TYW1B: variants seen among roughly 807,000 people sequenced by gnomAD.
TYW1B encodes tRNA-yW synthesizing protein 1 homolog B, also known as S-adenosyl-L-methionine-dependent tRNA 4-demethylwyosine synthase TYW1B.
A neutral mutation model predicts 86.9 loss-of-function variants in TYW1B; 73 were observed. That is an observed-to-expected ratio of 0.84 (90% CI 0.70 to 1.02). The LOEUF is 1.02. TYW1B is among the 50% of genes least tolerant of loss of function. TYW1B has a pLI of 0.00. For synonymous variants in TYW1B, 248 were observed against 292.8 expected (o/e 0.85, Z 1.56); for missense variants, 637 against 827.4 (o/e 0.77, Z 2.82).
At chr7:72,806,141 T>C (rs1283934323) in intron 5 of TYW1B, among the ~76,000 whole-genome samples, 3 of 152,034 alleles carry the variant, frequency 2.0e-5, no homozygotes, top group African/African-American at 7.2e-5. Flanking sequence ...TTAACTTCTC[T>C]GTGGCTCCGT....
At chr7:72,648,745 A>C (rs1352441264) in intron 11 of TYW1B, among the ~76,000 whole-genome samples, 3 of 152,018 alleles carry the variant, frequency 2.0e-5, no homozygotes. Context: ...CTTGACATCC[A>C]CCCGGCAACT....
chr7:72,575,761 C>T (rs782257043), intron 13 of TYW1B, 42 bp from the exon 14 acceptor site: 68 of 1,573,558 alleles, frequency 4.3e-5, no homozygotes, highest in Non-Finnish European at 5.3e-5. Context: ...TAAAAACATC[C>T]CTAGAAAAAA....
chr7:72,651,446 C>T (rs1554442776), intron 11 of TYW1B, among the ~76,000 whole-genome samples: 2 of 150,894 alleles, frequency 1.3e-5, no homozygotes, highest in East Asian at 2.0e-4. Context: ...GGTGAAACCC[C>T]ATCTCTACTA....
chr7:72,594,465 G>A (rs1484692097), intron 13 of TYW1B, among the ~76,000 whole-genome samples: 2 of 151,990 alleles, frequency 1.3e-5, no homozygotes, highest in Non-Finnish European at 2.9e-5. Flanking sequence ...CAAAGAAACA[G>A]AAAATCTGAT....
intron 11 of TYW1B, among the ~76,000 whole-genome samples, chr7:72,631,225 T>TAA (rs1223984839): frequency 2.0e-5 from 3 of 151,050 alleles, no homozygotes; most frequent in African/African-American, 7.3e-5. Context: ...GCTAAAAAAA[T>TAA]AGAGGGGCCG....
intron 9 of TYW1B, chr7:72,722,782 G>A (rs1311291341): frequency 7.4e-6 from 3 of 402,916 alleles, no homozygotes; most frequent in African/African-American, 6.4e-5. Flanking sequence ...AACTGAACCA[G>A]ACCCAGGACA....
chr7:72,665,721 T>C (rs1813446447), intron 11 of TYW1B, among the ~76,000 whole-genome samples: 1 of 152,244 alleles, frequency 6.6e-6, no homozygotes, highest in Non-Finnish European at 1.5e-5. Context: ...TATTTTTGTT[T>C]ATTTTTTGTC....
At chr7:72,640,925 A>C (rs1420679314) in intron 11 of TYW1B, among the ~76,000 whole-genome samples, 1 of 152,150 alleles carries the variant, frequency 6.6e-6, no homozygotes, top group Admixed American at 6.5e-5. Context: ...CAAAGACTAG[A>C]ACAGAGGTAA....
At chr7:72,800,178 C>T (rs1243874246) in intron 6 of TYW1B, among the ~76,000 whole-genome samples, 3 of 151,754 alleles carry the variant, frequency 2.0e-5, no homozygotes, top group Non-Finnish European at 4.4e-5. Context: ...GACATATATA[C>T]AAGCTAACAG....
At chr7:72,719,657 G>C (rs1488615639) in intron 9 of TYW1B, among the ~76,000 whole-genome samples, 1 of 132,636 alleles carries the variant, frequency 7.5e-6, no homozygotes, top group African/African-American at 2.8e-5. Context: ...AAAAAAAGAA[G>C]GTGATAGGCA....
chr7:72,630,194 G>A (rs1232486934), intron 11 of TYW1B, among the ~76,000 whole-genome samples: 9 of 152,140 alleles, frequency 5.9e-5, no homozygotes, highest in Non-Finnish European at 1.2e-4. Context: ...CAGGAGACTC[G>A]TTTGAACCTG....
At chr7:72,742,904 T>C (rs1344225926) in intron 8 of TYW1B, among the ~76,000 whole-genome samples, 1 of 152,122 alleles carries the variant, frequency 6.6e-6, no homozygotes, top group Admixed American at 6.6e-5. Context: ...GGAGAAATAA[T>C]GAGAATCTGA....
intron 11 of TYW1B, among the ~76,000 whole-genome samples, chr7:72,675,769 T>G (rs1171586411): frequency 5.3e-5 from 8 of 152,016 alleles, no homozygotes; most frequent in African/African-American, 1.9e-4. Context: ...TCTTCTCATG[T>G]GAAAAAAAGC....
chr7:72,614,053 A>C (rs1399941036), intron 13 of TYW1B, among the ~76,000 whole-genome samples: 2 of 151,894 alleles, frequency 1.3e-5, no homozygotes, highest in Non-Finnish European at 2.9e-5. Flanking sequence ...AACGAGAGAG[A>C]ACGGGAGCAA....
chr7:72,752,624 G>C (rs531430829), intron 7 of TYW1B, among the ~76,000 whole-genome samples: 1 of 152,124 alleles, frequency 6.6e-6, no homozygotes, highest in Admixed American at 6.6e-5. Flanking sequence ...CCAGCTACTC[G>C]GGAGGCTGAG....
chr7:72,810,782 A>G, intron 3 of TYW1B, 117 bp from the exon 4 acceptor site: 1 of 1,380,374 alleles, frequency 7.2e-7, no homozygotes, highest in African/African-American at 1.5e-5. Flanking sequence ...CTTCATAAAC[A>G]TGGCTCATTT....
intron 13 of TYW1B, 45 bp downstream of exon 13, chr7:72,616,627 A>G: frequency 6.2e-7 from 1 of 1,613,808 alleles, no homozygotes; most frequent in African/African-American, 1.3e-5. Context: ...AGGAAAGAAC[A>G]GCAGGGTCAG....
intron 11 of TYW1B, among the ~76,000 whole-genome samples, chr7:72,651,720 A>G (rs1157503604): frequency 6.6e-6 from 1 of 152,214 alleles, no homozygotes. Flanking sequence ...ACACGTTTGC[A>G]AGTCATAAAA....
intron 10 of TYW1B, among the ~76,000 whole-genome samples, chr7:72,713,039 C>A (rs373547995): frequency 3.9e-4 from 59 of 152,004 alleles, no homozygotes; most frequent in East Asian, 2.3e-3. Context: ...TGGCTCACAC[C>A]TGTAATGCCA....
Sources: allele counts gnomAD v4.1 joint callset (sites outside exome capture counted in the v4.1 genomes callset), GRCh38; gene constraint gnomAD v4.1.1; transcripts MANE v1.5; gene names NCBI Gene and HGNC (gene_info 2026-07-23, HGNC 2026-07-21).